The following SLC35F4 variants were observed in gnomAD, a reference collection of about 807,000 sequenced individuals.
SLC35F4 encodes solute carrier family 35 member F4.
Under a neutral mutation model 44.2 loss-of-function variants are expected in SLC35F4, and 24 were observed. The observed-to-expected ratio is 0.54, with a 90% CI of 0.39 to 0.76. The LOEUF is 0.76. Ranked by LOEUF, SLC35F4 falls within the 30% of genes least tolerant of loss-of-function variation. The pLI is 0.00. For missense variants in SLC35F4, 562 were observed against 586.1 expected, an observed-to-expected ratio of 0.96 and a Z score of 0.42; for synonymous variants, 238 against 223.6, an observed-to-expected ratio of 1.06 and a Z score of -0.57.
chr14:57,729,741 T>C (rs2076300448), intron 1 of SLC35F4, among the ~76,000 whole-genome samples: 1 of 152,170 alleles, frequency 6.6e-6, no homozygotes, highest in African/African-American at 2.4e-5. Flanking sequence ...GCTATGCTAG[T>C]TCACTGACTC....
At chr14:57,757,470 G>A (rs56230102) in intron 1 of SLC35F4, among the ~76,000 whole-genome samples, 6 of 152,050 alleles carry the variant, frequency 3.9e-5, no homozygotes, top group Non-Finnish European at 8.8e-5. Context: ...TTTAGATGAA[G>A]TGAGTTTTTT....
At chr14:57,962,836 C>G (rs913292079) in intron 1 of SLC35F4, among the ~76,000 whole-genome samples, 1 of 152,212 alleles carries the variant, frequency 6.6e-6, no homozygotes, top group Non-Finnish European at 1.5e-5. Context: ...CAGCACACTG[C>G]GCAAAACCTC....
intron 1 of SLC35F4, chr14:57,596,292 T>G (rs539260251): frequency 3.8e-4 from 63 of 167,924 alleles, no homozygotes; most frequent in African/African-American, 1.3e-3. Context: ...AAATTAATGC[T>G]ATGTTACTAT....
At chr14:57,792,212 A>T (rs958688156) in intron 1 of SLC35F4, among the ~76,000 whole-genome samples, 2 of 152,190 alleles carry the variant, frequency 1.3e-5, no homozygotes, top group African/African-American at 4.8e-5. Context: ...ACAATGCGAT[A>T]CTACCTCACT....
At chr14:57,749,925 G>C (rs1173096832) in intron 1 of SLC35F4, among the ~76,000 whole-genome samples, 1 of 152,104 alleles carries the variant, frequency 6.6e-6, no homozygotes, top group Non-Finnish European at 1.5e-5. Flanking sequence ...ATACATTTAT[G>C]GGATATAAGT....
chr14:57,721,986 A>AATTAG (rs1818312530), intron 1 of SLC35F4, among the ~76,000 whole-genome samples: 1 of 117,988 alleles, frequency 8.5e-6, no homozygotes, highest in Non-Finnish European at 1.9e-5. Context: ...CCAGATCTAT[A>AATTAG]ACTAAAGTCC....
At chr14:57,922,135 C>G (rs554148159) in intron 1 of SLC35F4, among the ~76,000 whole-genome samples, 65 of 152,268 alleles carry the variant, frequency 4.3e-4, no homozygotes, top group African/African-American at 1.5e-3. Context: ...AGGGTGCAAC[C>G]CTCTGGGCCA....
rs62005017 is a variant in SLC35F4 at position 57,889,435 on chromosome 14, G to A, written n.282+92478C>T. 9.1e-4 allele frequency among the ~76,000 whole-genome samples: 138 copies of A among 152,362 alleles called. 2 individuals are homozygous for A. In the South Asian group the frequency reaches 0.014, roughly 16 times the overall value. On this transcript the variant is annotated intron_variant and non_coding_transcript_variant, in intron 1 of 1. Transcript: ENST00000556568. ...AGCCGAACAGTGCCAAGGCACAGGG[G>A]AAGTTGGCCTGCAGCCATCACTACT...
intron 1 of SLC35F4, among the ~76,000 whole-genome samples, chr14:57,675,876 A>G (rs2074677064): frequency 6.6e-6 from 1 of 152,128 alleles, no homozygotes; most frequent in Non-Finnish European, 1.5e-5. Context: ...TCTAGAAGAT[A>G]GCATCAGAAA....
chr14:57,624,910 T>C (rs1255984590), intron 1 of SLC35F4, among the ~76,000 whole-genome samples: 2 of 152,106 alleles, frequency 1.3e-5, no homozygotes, highest in African/African-American at 4.8e-5. Flanking sequence ...AAGGATGCCC[T>C]CTCTCACCAC....
chr14:57,964,218 T>C (rs1890391974), intron 1 of SLC35F4, among the ~76,000 whole-genome samples: 1 of 152,120 alleles, frequency 6.6e-6, no homozygotes. Flanking sequence ...CTAGCTTGGC[T>C]AGCTAGTGAA....
intron 1 of SLC35F4, among the ~76,000 whole-genome samples, chr14:57,925,696 GTTAAT>G (rs1889556448): frequency 1.3e-5 from 2 of 151,080 alleles, no homozygotes; most frequent in African/African-American, 2.4e-5. Context: ...TTTTTAACAG[GTTAAT>G]TTGTGTCATA....
intron 1 of SLC35F4, among the ~76,000 whole-genome samples, chr14:57,857,185 G>A (rs1331029809): frequency 6.6e-6 from 1 of 151,858 alleles, no homozygotes; most frequent in Non-Finnish European, 1.5e-5. Flanking sequence ...GTGGAGACAG[G>A]AGAATCACTT....
chr14:57,978,719 A>G (rs1216120086), intron 1 of SLC35F4, among the ~76,000 whole-genome samples: 1 of 152,188 alleles, frequency 6.6e-6, no homozygotes, highest in Non-Finnish European at 1.5e-5. Flanking sequence ...TTTACAGTGA[A>G]CCATTTACAG....
intron 7 of SLC35F4, 102 bp from the exon 8 acceptor site, chr14:57,564,478 T>C (rs1566618782): frequency 7.0e-7 from 1 of 1,438,848 alleles, no homozygotes; most frequent in East Asian, 2.5e-5. Flanking sequence ...CCAAGAGTCT[T>C]CTTTATTCTT....
chr14:57,714,785 C>A (rs2140414469), intron 1 of SLC35F4, among the ~76,000 whole-genome samples: 1 of 152,014 alleles, frequency 6.6e-6, no homozygotes, highest in Middle Eastern at 3.4e-3. Flanking sequence ...GAGAGATGCA[C>A]TGGGTTTGGT....
At chr14:57,921,075 C>T (rs539726262) in intron 1 of SLC35F4, among the ~76,000 whole-genome samples, 2 of 152,308 alleles carry the variant, frequency 1.3e-5, no homozygotes, top group African/African-American at 4.8e-5. Flanking sequence ...GTACTCTTTT[C>T]ACATTTTTGT....
upstream of SLC35F4, among the ~76,000 whole-genome samples, chr14:57,870,126 G>C (rs1395417521): frequency 3.4e-5 from 4 of 116,092 alleles, no homozygotes; most frequent in Non-Finnish European, 5.1e-5. Context: ...TCTATGATCT[G>C]TGTGTGTGTG....
At chr14:57,847,688 G>A (rs918321256) in intron 1 of SLC35F4, among the ~76,000 whole-genome samples, 15 of 152,076 alleles carry the variant, frequency 9.9e-5, no homozygotes, top group African/African-American at 3.1e-4. Flanking sequence ...TTTCATAAAC[G>A]TATCAATGTA....
Sources: gnomAD v4.1 joint callset for allele counts (sites outside exome capture counted in the v4.1 genomes callset) on GRCh38, gnomAD v4.1.1 for gene constraint, MANE v1.5 for transcripts, NCBI Gene and HGNC (gene_info 2026-07-23, HGNC 2026-07-21) for gene names.